LDB2: variants seen among roughly 807,000 people sequenced by gnomAD.
LDB2 encodes LIM domain binding 2.
Under a neutral mutation model 44.3 loss-of-function variants are expected in LDB2, and 12 were observed. The ratio of observed to expected loss-of-function variants is 0.27; its 90% CI spans 0.17 to 0.44. The LOEUF is 0.44. Among genes scored for constraint, LDB2 ranks in the 20% least tolerant of loss-of-function variants. LDB2 has a pLI of 1.00. For missense variants in LDB2, 344 were observed against 473.5 expected, an observed-to-expected ratio of 0.73 and a Z score of 2.54; for synonymous variants, 164 against 174.8, an observed-to-expected ratio of 0.94 and a Z score of 0.49.
intron 3 of LDB2, among the ~76,000 whole-genome samples, chr4:16,593,891 C>T (rs145689639): frequency 0.012 from 1,876 of 152,214 alleles, 23 homozygotes; most frequent in Non-Finnish European, 0.02. Flanking sequence ...GGATTCTTTT[C>T]GATCTAAAAC....
At chr4:16,561,167 A>T (rs1164657237) in intron 5 of LDB2, among the ~76,000 whole-genome samples, 1 of 152,122 alleles carries the variant, frequency 6.6e-6, no homozygotes, top group Non-Finnish European at 1.5e-5. Flanking sequence ...CAAGACAGGG[A>T]TGCCCTCTCT....
intron 2 of LDB2, among the ~76,000 whole-genome samples, chr4:16,658,832 G>A (rs1016998078): frequency 2.0e-5 from 3 of 152,142 alleles, no homozygotes; most frequent in Admixed American, 6.5e-5. Flanking sequence ...CTTTAGCTCC[G>A]TTTACAGAGG....
At chr4:16,713,235 T>C (rs1362534252) in intron 2 of LDB2, among the ~76,000 whole-genome samples, 1 of 152,230 alleles carries the variant, frequency 6.6e-6, no homozygotes, top group African/African-American at 2.4e-5. Context: ...ACTGGAGTGA[T>C]GGAAGTATTC....
chr4:16,766,496 GTGTGTGTGTA>G (rs1337918205), intron 1 of LDB2, among the ~76,000 whole-genome samples: 10 of 113,142 alleles, frequency 8.8e-5, no homozygotes, highest in African/African-American at 2.5e-4. Flanking sequence ...GTGTGTGTGT[GTGTGTGTGTA>G]TATATTTTTT....
chr4:16,612,147 A>G (rs1328965694), intron 2 of LDB2, among the ~76,000 whole-genome samples: 2 of 152,214 alleles, frequency 1.3e-5, no homozygotes, highest in Non-Finnish European at 2.9e-5. Flanking sequence ...GCAGAAATCA[A>G]AAAGTTCTTT....
At chr4:16,728,426 A>G (rs1260204531) in intron 2 of LDB2, among the ~76,000 whole-genome samples, 5 of 152,210 alleles carry the variant, frequency 3.3e-5, no homozygotes, top group Non-Finnish European at 7.3e-5. Context: ...ATGGATAGAT[A>G]ATTAAACAGT....
intron 2 of LDB2, among the ~76,000 whole-genome samples, chr4:16,705,109 A>C (rs1754326710): frequency 6.6e-6 from 1 of 151,760 alleles, no homozygotes; most frequent in African/African-American, 2.4e-5. Flanking sequence ...AATTATACAT[A>C]ATCCTTTCAT....
chr4:16,640,988 C>G (rs1410593941), intron 2 of LDB2, among the ~76,000 whole-genome samples: 1 of 151,996 alleles, frequency 6.6e-6, no homozygotes, highest in African/African-American at 2.4e-5. Flanking sequence ...TGATGATTAC[C>G]CATTTAAGAC....
intron 2 of LDB2, among the ~76,000 whole-genome samples, chr4:16,613,389 G>A (rs1206944768): frequency 2.0e-5 from 3 of 152,270 alleles, no homozygotes; most frequent in Admixed American, 6.5e-5. Context: ...AAGAAATAAA[G>A]GGTATTCAAA....
intron 5 of LDB2, among the ~76,000 whole-genome samples, chr4:16,525,585 C>G (rs1019603159): frequency 6.6e-6 from 1 of 152,180 alleles, no homozygotes; most frequent in Non-Finnish European, 1.5e-5. Flanking sequence ...TTCATTCATT[C>G]AACACCTACT....
chr4:16,782,414 G>A (rs917733767), intron 1 of LDB2, among the ~76,000 whole-genome samples: 6 of 150,672 alleles, frequency 4.0e-5, no homozygotes, highest in Admixed American at 1.3e-4. Context: ...GCAGTGGCAC[G>A]ATCTTGGTTC....
chr4:16,696,992 G>T (rs1282506526), intron 2 of LDB2, among the ~76,000 whole-genome samples: 1 of 152,116 alleles, frequency 6.6e-6, no homozygotes, highest in Non-Finnish European at 1.5e-5. Context: ...TAAGCTATTT[G>T]GGGAGGGGAC....
chr4:16,656,801 A>C (rs958735430), intron 2 of LDB2, among the ~76,000 whole-genome samples: 1 of 152,172 alleles, frequency 6.6e-6, no homozygotes, highest in Non-Finnish European at 1.5e-5. Flanking sequence ...GCTTCCTTTA[A>C]TATATGATGG....
chr4:16,832,307 A>G (rs932846860), intron 1 of LDB2, among the ~76,000 whole-genome samples: 2 of 152,192 alleles, frequency 1.3e-5, no homozygotes, highest in Admixed American at 6.5e-5. Flanking sequence ...AACTTGTCCA[A>G]GATTACTTGC....
chr4:16,887,229 A>G (rs905100987), intron 1 of LDB2, among the ~76,000 whole-genome samples: 8 of 151,520 alleles, frequency 5.3e-5, no homozygotes, highest in Admixed American at 1.3e-4. Context: ...TGAAAAAAAA[A>G]AAAAAGAAAA....
intron 1 of LDB2, among the ~76,000 whole-genome samples, chr4:16,849,868 A>T (rs1194523344): frequency 6.6e-6 from 1 of 152,072 alleles, no homozygotes; most frequent in Non-Finnish European, 1.5e-5. Context: ...CTTACATTTC[A>T]TCTCTTCCAG....
chr4:16,757,164 A>G (rs1766839540), intron 2 of LDB2, among the ~76,000 whole-genome samples: 2 of 152,200 alleles, frequency 1.3e-5, no homozygotes, highest in Admixed American at 1.3e-4. Flanking sequence ...CTGCATAAAC[A>G]GTGCACGTCA....
At chr4:16,811,076 C>T (rs1779766941) in intron 1 of LDB2, among the ~76,000 whole-genome samples, 1 of 152,176 alleles carries the variant, frequency 6.6e-6, no homozygotes, top group Non-Finnish European at 1.5e-5. Context: ...ATAGCGTTTG[C>T]ACTCCTTTGA....
Position 16,668,539 on chromosome 4 carries a change from A to G in LDB2, c.236-72664T>C, listed in dbSNP as rs147347998. ...GTTCACATGCCATGAAGGCCACTAC[A>G]CTTTGGTTTTCTAACATCCCTCCAG... On this transcript the variant is annotated intron_variant, in intron 2 of 7. Transcript: ENST00000304523. Among the ~76,000 whole-genome samples the G allele has an allele frequency of 1.4e-3, 217 of 152,168 alleles. 1 individual carries two copies. Among genetic ancestry groups the G allele is most frequent in the African/African-American group, 4.9e-3 (205 of 41,522 alleles).
Sources: gnomAD v4.1 joint callset for allele counts (sites outside exome capture counted in the v4.1 genomes callset) on GRCh38, gnomAD v4.1.1 for gene constraint, MANE v1.5 for transcripts, NCBI Gene and HGNC (gene_info 2026-07-23, HGNC 2026-07-21) for gene names.